The following KIAA0513 variants were observed in gnomAD, a reference collection of about 807,000 sequenced individuals.
KIAA0513 encodes the protein uncharacterized protein KIAA0513.
In KIAA0513, 39 loss-of-function variants were observed where a neutral mutation model predicts 56.5. That is an observed-to-expected ratio of 0.69 (90% confidence interval 0.53 to 0.90). The LOEUF is 0.90. KIAA0513 is among the 40% of genes least tolerant of loss of function. The probability of loss-of-function intolerance (pLI) is 0.00; values close to 1 mark genes in which losing one functional copy is unlikely to be tolerated. For synonymous variants in KIAA0513, 268 were observed against 215.6 expected (o/e 1.24, Z -2.13); for missense variants, 591 against 535.2 (o/e 1.10, Z -1.03).
chr16:85,094,230 A>T (rs1049485749), downstream of KIAA0513: 47 of 152,292 alleles, frequency 3.1e-4, no homozygotes, highest in African/African-American at 1.1e-3. Flanking sequence ...TAAAAAAAAA[A>T]GTCTGTTTAA....
At chr16:85,079,930 C>G (rs1348139332) in intron 8 of KIAA0513, among the ~76,000 whole-genome samples, 1 of 148,102 alleles carries the variant, frequency 6.8e-6, no homozygotes, top group Non-Finnish European at 1.5e-5. Context: ...CTGCGTTAAT[C>G]TCTCTGAAGC....
At chr16:85,029,533 G>C (rs1457436469) in intron 1 of KIAA0513, among the ~76,000 whole-genome samples, 2 of 152,222 alleles carry the variant, frequency 1.3e-5, no homozygotes, top group African/African-American at 4.8e-5. Context: ...TTCTTCAAAG[G>C]TGAATTGCTT....
In KIAA0513 at chr16:85,081,257, A is replaced by G; in HGVS notation, c.903-58A>G. 6.6e-7 allele frequency: 1 copy of G among 1,523,852 alleles called. No homozygotes were observed. Among genetic ancestry groups the G allele is most frequent in the Non-Finnish European group, 9.1e-7 (1 of 1,099,034 alleles). 94.4% of individuals were successfully genotyped at this position (1,523,852 alleles called of 1,614,324 possible). ...CTTGTTTATCCCTCAAGGGGCCCAC[A>G]ACCCGTGTCCTCCCCGCCTCCCCTT... On this transcript the variant is annotated intron_variant, in intron 8 of 12. Coordinates refer to ENST00000683363, the MANE Select transcript of KIAA0513 (RefSeq NM_001388359.1). This position sits in a 1 kb window ranked among gnomAD's most constrained non-coding sequence, Gnocchi z 4.4.
rs773446430 is a variant in KIAA0513 at position 85,087,148 on chromosome 16, A to G, written c.1168A>G (p.Ile390Val). 6.8e-6 allele frequency: 11 copies of G among 1,613,974 alleles called. No homozygotes were observed. The highest frequency in any genetic ancestry group is 1.7e-5 in the Admixed American group (1 of 60,004). ...TGACTTCCTGAAGAAGCAGGCTGTG[A>G]TTGGCAACCTGGATGAAGGTGCGTC... is the stretch of plus-strand genomic sequence containing the variant. ...CNDFLKKQAVIGNLDEEQYKL... is the reference protein window; with the variant it reads ...CNDFLKKQAVVGNLDEEQYKL... The change falls in exon 12 of 13, where the codon ATT becomes GTT. Residue 390 changes from isoleucine to valine, a missense_variant. By Grantham distance (29) the Ile-to-Val change is conservative. Coordinates refer to ENST00000683363, the MANE Select transcript of KIAA0513 (RefSeq NM_001388359.1).
intron 1 of KIAA0513, among the ~76,000 whole-genome samples, chr16:85,059,387 C>G (rs1239285788): frequency 1.3e-5 from 2 of 152,190 alleles, no homozygotes; most frequent in Non-Finnish European, 2.9e-5. Flanking sequence ...CATTCTCAGC[C>G]CCTTGAGCTG....
chr16:85,069,974 A>C (rs1054544024), intron 2 of KIAA0513, among the ~76,000 whole-genome samples: 1 of 150,350 alleles, frequency 6.7e-6, no homozygotes, highest in Non-Finnish European at 1.5e-5. Context: ...AGACCAGCCT[A>C]GGAAACATAG....
chr16:85,071,756 T>A, intron 2 of KIAA0513, 27 bp from the exon 3 acceptor site: 1 of 1,501,356 alleles, frequency 6.7e-7, no homozygotes, highest in Non-Finnish European at 9.0e-7. Flanking sequence ...TTTTTTTTTT[T>A]CCTCTGCTCT....
At chr16:85,075,490 G>A (rs987649395) in intron 4 of KIAA0513, among the ~76,000 whole-genome samples, 3 of 152,324 alleles carry the variant, frequency 2.0e-5, no homozygotes, top group African/African-American at 7.2e-5. Flanking sequence ...GAAATCAAGG[G>A]CTGGAGGGCT....
intron 1 of KIAA0513, among the ~76,000 whole-genome samples, chr16:85,044,468 T>C (rs932326476): frequency 6.6e-6 from 1 of 152,096 alleles, no homozygotes; most frequent in Non-Finnish European, 1.5e-5. Flanking sequence ...ATAGTCTCTG[T>C]CCATCCACCA....
At chr16:85,035,184 C>T (rs2073018722) in intron 1 of KIAA0513, among the ~76,000 whole-genome samples, 1 of 152,234 alleles carries the variant, frequency 6.6e-6, no homozygotes. Flanking sequence ...TCCCCCATTC[C>T]GTGGCAGGCA....
At position 85,081,550 on chromosome 16, in the gene KIAA0513, G is replaced by C. The variant is rs1004297690; in HGVS notation, c.980+158G>C. Among the ~76,000 whole-genome samples the C allele has an allele frequency of 1.2e-4, 18 of 152,108 alleles. No homozygotes were observed. Among genetic ancestry groups the C allele is most frequent in the Non-Finnish European group, 4.4e-5 (3 of 68,024 alleles). On this transcript the variant is annotated intron_variant, in intron 9 of 12. Transcript: ENST00000683363. The surrounding 1 kb of genome is among the most constrained non-coding windows in gnomAD (Gnocchi z 4.4). ...CCCTGGTGCCTCGCAAGCTGCCTGAGGGGTCACAGCTTCATGGGTGGGGGT... is the reference window on the plus strand; with the variant it reads ...CCCTGGTGCCTCGCAAGCTGCCTGACGGGTCACAGCTTCATGGGTGGGGGT...
Position 85,027,816 on chromosome 16 carries a change from T to C in KIAA0513, c.-215T>C, listed in dbSNP as rs1014154039. On this transcript the variant is annotated 5_prime_UTR_variant, in exon 1 of 13. Transcript: ENST00000683363. ...CGGCGCAGTCGCCGCAGCAGCCGAG[T>C]CTGACGGCGCCGGTTCGCTGCCCGG... 6.6e-6 allele frequency: 1 copy of C among 151,814 alleles called. No individual in the cohort carries two copies. The highest frequency in any genetic ancestry group is 1.5e-5 in the Non-Finnish European group (1 of 67,938). 9.4% of individuals were successfully genotyped at this position (151,814 alleles called of 1,614,324 possible).
At chr16:85,088,213 G>A (rs2073831424) in intron 12 of KIAA0513, 63 bp from the exon 13 acceptor site, 10 of 1,472,400 alleles carry the variant, frequency 6.8e-6, no homozygotes, top group African/African-American at 1.4e-5. Flanking sequence ...AGTGACAAGA[G>A]CAGGATATAC....
At chr16:85,048,521 C>G (rs996665328) in intron 1 of KIAA0513, among the ~76,000 whole-genome samples, 3 of 129,148 alleles carry the variant, frequency 2.3e-5, no homozygotes, top group Non-Finnish European at 4.8e-5. Flanking sequence ...CACTCTCACC[C>G]TCTCCCCCCT....
intron 1 of KIAA0513, among the ~76,000 whole-genome samples, chr16:85,035,752 G>A (rs2073027278): frequency 6.6e-6 from 1 of 152,180 alleles, no homozygotes; most frequent in African/African-American, 2.4e-5. Context: ...GCTGAGGCGG[G>A]CGGATCATGA....
chr16:85,075,913 C>T lies in KIAA0513; in HGVS notation c.573C>T (p.Ile191=), dbSNP rs139577777. The T allele has an allele frequency of 5.5e-5, 89 of 1,611,998 alleles. 2 individuals carry two copies. The Admixed American group carries it at 1.0e-3, about 19-fold the overall frequency. The change falls in exon 5 of 13, where the codon ATC becomes ATT. Residue 191 remains isoleucine (I), a splice_region_variant and synonymous_variant. Coordinates refer to ENST00000683363, the MANE Select transcript of KIAA0513 (RefSeq NM_001388359.1). ...LMTMCFTYYH[I]GKPQLLPPES... is the part of the protein sequence containing the mutation. ...CCATGTGCTTCACCTACTACCACAT[C>T]GGTAAGACATGGGTGGGCTGATGTG...
rs16975203 is a variant in KIAA0513 at position 85,081,943 on chromosome 16, C to G, written c.980+551C>G. Reference sequence around the variant, plus strand: ...GGGGCCGATGCCATAGCAAGCAAAGCTGCCGTCCACCATGTGCAGCGACAT... The same window carrying G: ...GGGGCCGATGCCATAGCAAGCAAAGGTGCCGTCCACCATGTGCAGCGACAT... On this transcript the variant is annotated intron_variant, in intron 9 of 12. Transcript: ENST00000683363. This position sits in a 1 kb window ranked among gnomAD's most constrained non-coding sequence, Gnocchi z 4.4. 0.29 allele frequency among the ~76,000 whole-genome samples: 44,134 copies of G among 152,204 alleles called. 6,530 individuals carry two copies. Among genetic ancestry groups the G allele is most frequent in the Middle Eastern group, 0.35 (102 of 294 alleles).
chr16:85,083,263 G>A (rs758485159), intron 10 of KIAA0513, among the ~76,000 whole-genome samples: 2 of 152,298 alleles, frequency 1.3e-5, no homozygotes, highest in African/African-American at 4.8e-5. Context: ...CTGTGGGCTC[G>A]AATCCTTTGT....
Position 85,051,873 on chromosome 16 carries a change from C to G in KIAA0513, c.-172-15027C>G, listed in dbSNP as rs534522410. On this transcript the variant is annotated intron_variant, in intron 1 of 12. Transcript: ENST00000683363. ...CTTGCTGTGTTGCCCAGGCTGGTCC[C>G]AAACTCCTGGGCTCAAGTGACCCTC... Among the ~76,000 whole-genome samples, 339 of 151,628 alleles carry G rather than the reference C, an allele frequency of 2.2e-3. 1 individual carries two copies. The highest frequency in any genetic ancestry group is 0.014 in the Middle Eastern group (4 of 294).
Sources: allele counts gnomAD v4.1 joint callset (sites outside exome capture counted in the v4.1 genomes callset), GRCh38; gene constraint gnomAD v4.1.1; non-coding constraint Gnocchi (gnomAD v3.1); transcripts MANE v1.5; gene names NCBI Gene and HGNC (gene_info 2026-07-23, HGNC 2026-07-21).